BRINP3: variants seen among roughly 807,000 people sequenced by gnomAD.
BRINP3 encodes the protein BMP/retinoic acid-inducible neural-specific protein 3.
BRINP3 carries 19 observed loss-of-function variants against 71.0 expected under a neutral mutation model. That is an observed-to-expected ratio of 0.27 (90% CI 0.19 to 0.39). The LOEUF is 0.39. Ranked by LOEUF, BRINP3 falls within the 10% of genes least tolerant of loss-of-function variation. The probability of loss-of-function intolerance (pLI) is 1.00; values close to 1 mark genes in which losing one functional copy is unlikely to be tolerated. For missense variants in BRINP3, 959 were observed against 940.8 expected (o/e 1.02, Z -0.25); for synonymous variants, 380 against 337.7 (o/e 1.13, Z -1.37).
At chr1:190,103,862 G>A (rs1651911186) in intron 7 of BRINP3, among the ~76,000 whole-genome samples, 1 of 149,838 alleles carries the variant, frequency 6.7e-6, no homozygotes, top group African/African-American at 2.4e-5. Flanking sequence ...TTCTGGTCCA[G>A]TAATATTAAC....
intron 7 of BRINP3, among the ~76,000 whole-genome samples, chr1:190,145,345 T>C (rs999584170): frequency 6.6e-6 from 1 of 152,172 alleles, no homozygotes; most frequent in Non-Finnish European, 1.5e-5. Context: ...TAATTTTTTA[T>C]TCCTTCTTCT....
At chr1:190,383,745 G>T (rs1670701112) in intron 2 of BRINP3, among the ~76,000 whole-genome samples, 1 of 151,894 alleles carries the variant, frequency 6.6e-6, no homozygotes, top group African/African-American at 2.4e-5. Context: ...AGGATTATAT[G>T]ATGTAATAAT....
At chr1:190,400,718 T>C (rs1055549469) in intron 2 of BRINP3, among the ~76,000 whole-genome samples, 2 of 152,138 alleles carry the variant, frequency 1.3e-5, no homozygotes, top group African/African-American at 2.4e-5. Context: ...GTCTACTCTA[T>C]CCAGGGAACC....
At chr1:190,188,358 A>C (rs1653725823) in intron 6 of BRINP3, among the ~76,000 whole-genome samples, 1 of 152,160 alleles carries the variant, frequency 6.6e-6, no homozygotes, top group African/African-American at 2.4e-5. Context: ...CCTTTTATTT[A>C]TTTCTCTTGT....
chr1:190,373,856 A>T (rs1181719636), intron 2 of BRINP3, among the ~76,000 whole-genome samples: 1 of 151,086 alleles, frequency 6.6e-6, no homozygotes, highest in Non-Finnish European at 1.5e-5. Context: ...TTACTTTTGC[A>T]CCAACCTAAC....
intron 2 of BRINP3, chr1:190,342,666 G>A (rs947278210): frequency 6.6e-6 from 1 of 151,462 alleles, no homozygotes; most frequent in African/African-American, 2.4e-5. Flanking sequence ...TAAACTTCCA[G>A]AATCATAATT....
At chr1:190,221,945 AT>A (rs1656927855) in intron 6 of BRINP3, among the ~76,000 whole-genome samples, 1 of 152,096 alleles carries the variant, frequency 6.6e-6, no homozygotes, top group African/African-American at 2.4e-5. Flanking sequence ...AAAAATATAT[AT>A]AAGACTATAA....
At chr1:190,259,880 T>A (rs1661023032) in intron 4 of BRINP3, among the ~76,000 whole-genome samples, 1 of 151,206 alleles carries the variant, frequency 6.6e-6, no homozygotes. Context: ...AATACAAAAA[T>A]TAGCCAGGCG....
chr1:190,476,823 A>C (rs1434574774), intron 1 of BRINP3, among the ~76,000 whole-genome samples: 2 of 152,184 alleles, frequency 1.3e-5, no homozygotes, highest in Non-Finnish European at 2.9e-5. Flanking sequence ...ACAATGCCTA[A>C]AATAACGTGC....
chr1:190,118,120 T>C (rs1653305069), intron 7 of BRINP3, among the ~76,000 whole-genome samples: 1 of 130,794 alleles, frequency 7.6e-6, no homozygotes, highest in South Asian at 2.6e-4. Context: ...TAATATTCTG[T>C]TCCCAAATCA....
intron 2 of BRINP3, among the ~76,000 whole-genome samples, chr1:190,340,046 G>T (rs1024633400): frequency 1.3e-5 from 2 of 151,780 alleles, no homozygotes; most frequent in African/African-American, 2.4e-5. Flanking sequence ...AAAGAGGAAA[G>T]AAAAAATAGC....
chr1:190,361,641 A>T (rs1669154258), intron 2 of BRINP3, among the ~76,000 whole-genome samples: 1 of 152,016 alleles, frequency 6.6e-6, no homozygotes, highest in Non-Finnish European at 1.5e-5. Context: ...TGACCTCGTG[A>T]TCCGCCCACC....
At chr1:190,256,358 C>G (rs1274991190) in intron 4 of BRINP3, among the ~76,000 whole-genome samples, 1 of 152,060 alleles carries the variant, frequency 6.6e-6, no homozygotes, top group Non-Finnish European at 1.5e-5. Flanking sequence ...CTTCCTCCAT[C>G]CCTTTATTTT....
chr1:190,475,140 C>T (rs1271729037), intron 1 of BRINP3, among the ~76,000 whole-genome samples: 1 of 152,178 alleles, frequency 6.6e-6, no homozygotes, highest in East Asian at 1.9e-4. Flanking sequence ...GAGTGACCGT[C>T]AGCAATAATA....
intron 4 of BRINP3, among the ~76,000 whole-genome samples, chr1:190,245,940 T>A (rs1462412404): frequency 6.6e-6 from 1 of 151,942 alleles, no homozygotes; most frequent in African/African-American, 2.4e-5. Flanking sequence ...AACTCATCAT[T>A]TTTTATGGCT....
intron 2 of BRINP3, among the ~76,000 whole-genome samples, chr1:190,442,077 G>T (rs1281563440): frequency 6.6e-6 from 1 of 151,840 alleles, no homozygotes; most frequent in Non-Finnish European, 1.5e-5. Flanking sequence ...ATCCTGAAAC[G>T]ATCACTGCAA....
At chr1:190,438,623 G>T (rs1340364467) in intron 2 of BRINP3, among the ~76,000 whole-genome samples, 1 of 151,764 alleles carries the variant, frequency 6.6e-6, no homozygotes, top group African/African-American at 2.4e-5. Flanking sequence ...TTTCACAAAG[G>T]TTCCCCCTTT....
Position 190,195,058 on chromosome 1 carries a change from GGGT to G in BRINP3, c.961+31021_961+31023del, listed in dbSNP as rs1451598371. On this transcript the variant is annotated intron_variant, in intron 6 of 7. Transcript: ENST00000367462. ...TTAAAAAAAAATTATAAGCATTTAAGGGTTAGTCCTCTAAAATCAATACGGCCT... is the reference window on the plus strand; with the variant it reads ...TTAAAAAAAAATTATAAGCATTTAAGTAGTCCTCTAAAATCAATACGGCCT... 2.6e-5 allele frequency among the ~76,000 whole-genome samples: 4 copies of G among 151,794 alleles called. No individual in the cohort carries two copies. The East Asian group carries it at 7.7e-4, about 29-fold the overall frequency.
intron 2 of BRINP3, among the ~76,000 whole-genome samples, chr1:190,334,148 T>A (rs181656199): frequency 2.8e-4 from 43 of 152,016 alleles, no homozygotes; most frequent in African/African-American, 1.0e-3. Context: ...AATTTCAGGT[T>A]AAGTTCAGAT....
Sources: allele counts gnomAD v4.1 joint callset (sites outside exome capture counted in the v4.1 genomes callset), GRCh38; gene constraint gnomAD v4.1.1; transcripts MANE v1.5; gene names NCBI Gene and HGNC (gene_info 2026-07-23, HGNC 2026-07-21).